Variants in ALK observed in about 807,000 individuals in gnomAD.
ALK encodes the protein ALK tyrosine kinase receptor.
Under a neutral mutation model 163.1 loss-of-function variants are expected in ALK, and 74 were observed. That is an observed-to-expected ratio of 0.45 (90% CI 0.38 to 0.55). The LOEUF (loss-of-function observed/expected upper bound fraction) is 0.55, where lower values mean the gene tolerates loss of function less well. Among genes scored for constraint, ALK ranks in the 20% least tolerant of loss-of-function variants. ALK has a pLI of 0.00. For synonymous variants in ALK, 960 were observed against 843.2 expected (o/e 1.14, Z -2.40); for missense variants, 2,063 against 2,105.3 (o/e 0.98, Z 0.39).
chr2:29,678,536 C>T (rs1435642583), intron 3 of ALK, among the ~76,000 whole-genome samples: 1 of 151,142 alleles, frequency 6.6e-6, no homozygotes, highest in Admixed American at 6.6e-5. Flanking sequence ...ATTTCCCATG[C>T]AATTGATTTT....
chr2:29,227,597 A>T lies in ALK; in HGVS notation c.2891T>A (p.Ile964Asn), dbSNP rs768623350. ...DGVSFISPLG[I>N]LYTPALKVME... Reference sequence around the variant, plus strand: ...ACCTTTTAAAGCTGGGGTGTACAGGATGCCCAGTGGACTGATGAAGGAAAC... The same window carrying T: ...ACCTTTTAAAGCTGGGGTGTACAGGTTGCCCAGTGGACTGATGAAGGAAAC... Residue 964 changes from isoleucine to asparagine, a missense_variant, in exon 17 of 29, where the codon ATC becomes AAC. Physicochemically the swap from Ile to Asn is moderately radical, Grantham distance 149. Coordinates refer to ENST00000389048, the MANE Select transcript of ALK (RefSeq NM_004304.5). The surrounding 1 kb of genome is among the most constrained non-coding windows in gnomAD (Gnocchi z 4.4). 3 of 1,614,104 alleles carry T rather than the reference A, an allele frequency of 1.9e-6. No homozygotes were observed. The highest frequency in any genetic ancestry group is 3.3e-4 in the Middle Eastern group (2 of 6,028).
chr2:29,371,055 T>C (rs1052569542), intron 5 of ALK, among the ~76,000 whole-genome samples: 2 of 152,204 alleles, frequency 1.3e-5, no homozygotes, highest in Non-Finnish European at 2.9e-5. Context: ...CAAATGCTGA[T>C]CATAGAACTC....
chr2:29,698,542 C>T (rs1224307637), intron 2 of ALK, among the ~76,000 whole-genome samples: 1 of 152,192 alleles, frequency 6.6e-6, no homozygotes, highest in Non-Finnish European at 1.5e-5. Context: ...TGAAAGATGA[C>T]CTGTTTCTAT....
intron 1 of ALK, among the ~76,000 whole-genome samples, chr2:29,797,021 CACACACAT>C (rs1239903561): frequency 1.3e-5 from 2 of 151,790 alleles, no homozygotes; most frequent in African/African-American, 4.8e-5. Context: ...CACACACACA[CACACACAT>C]ACACACACAT....
intron 22 of ALK, chr2:29,221,055 G>T (rs558834513): frequency 9.7e-5 from 65 of 667,736 alleles, no homozygotes; most frequent in African/African-American, 7.4e-4. Flanking sequence ...AGTTCCATTT[G>T]CAGGAGAGTG....
At chr2:29,810,877 A>G (rs1664740843) in intron 1 of ALK, among the ~76,000 whole-genome samples, 1 of 152,072 alleles carries the variant, frequency 6.6e-6, no homozygotes, top group Non-Finnish European at 1.5e-5. Context: ...TCTACCAGGG[A>G]CACCAGGGAG....
intron 4 of ALK, among the ~76,000 whole-genome samples, chr2:29,465,535 A>C (rs1356304288): frequency 6.6e-6 from 1 of 152,080 alleles, no homozygotes; most frequent in Non-Finnish European, 1.5e-5. Context: ...CTCTACTAAA[A>C]ATATGAAAAT....
intron 1 of ALK, among the ~76,000 whole-genome samples, chr2:29,874,722 G>T (rs1053423971): frequency 1.3e-5 from 2 of 152,206 alleles, no homozygotes; most frequent in Non-Finnish European, 2.9e-5. Flanking sequence ...GGAGACAAGA[G>T]TGGATTCTTG....
At chr2:29,741,090 A>G (rs569633339) in intron 1 of ALK, among the ~76,000 whole-genome samples, 2 of 152,352 alleles carry the variant, frequency 1.3e-5, no homozygotes, top group East Asian at 3.8e-4. Context: ...CAAATGAAAG[A>G]TGCCAATCTG....
chr2:29,205,169 A>G (rs1216846566), intron 26 of ALK, among the ~76,000 whole-genome samples: 1 of 152,070 alleles, frequency 6.6e-6, no homozygotes, highest in Non-Finnish European at 1.5e-5. Context: ...GATCTTTTGG[A>G]GGATATTATA....
At chr2:29,533,710 C>A (rs991455641) in intron 3 of ALK, among the ~76,000 whole-genome samples, 1 of 152,184 alleles carries the variant, frequency 6.6e-6, no homozygotes, top group African/African-American at 2.4e-5. Context: ...AACATCCAAG[C>A]ACTGGCTCTG....
At chr2:29,645,342 A>C (rs1049702919) in intron 3 of ALK, among the ~76,000 whole-genome samples, 2 of 152,168 alleles carry the variant, frequency 1.3e-5, no homozygotes, top group African/African-American at 4.8e-5. Flanking sequence ...GAAAAGTCAG[A>C]AAGTGTGTAT....
At chr2:29,566,729 T>G (rs1050290574) in intron 3 of ALK, among the ~76,000 whole-genome samples, 1 of 152,214 alleles carries the variant, frequency 6.6e-6, no homozygotes. Context: ...TGGCAAAAGA[T>G]AATTGGAAAC....
chr2:29,874,344 T>G (rs1666651490), intron 1 of ALK, among the ~76,000 whole-genome samples: 1 of 139,346 alleles, frequency 7.2e-6, no homozygotes. Flanking sequence ...ATAGTTGAAA[T>G]AAACCTTGGC....
At chr2:29,801,150 G>A (rs1019872301) in intron 1 of ALK, among the ~76,000 whole-genome samples, 2 of 152,168 alleles carry the variant, frequency 1.3e-5, no homozygotes, top group Non-Finnish European at 2.9e-5. Flanking sequence ...CCTAGCTGAT[G>A]GAGGAAAAAG....
intron 8 of ALK, among the ~76,000 whole-genome samples, chr2:29,302,240 G>A (rs571933355): frequency 5.3e-5 from 8 of 152,298 alleles, no homozygotes; most frequent in Admixed American, 1.3e-4. Context: ...ACTTCCGGCC[G>A]GGTGCGGTGG....
At chr2:29,729,839 C>G (rs1679685932) in intron 1 of ALK, among the ~76,000 whole-genome samples, 1 of 152,166 alleles carries the variant, frequency 6.6e-6, no homozygotes, top group Non-Finnish European at 1.5e-5. Context: ...TCAAGAAGAT[C>G]TAAAGGAGAA....
intron 4 of ALK, among the ~76,000 whole-genome samples, chr2:29,436,575 T>G (rs918337994): frequency 6.6e-6 from 1 of 152,232 alleles, no homozygotes; most frequent in Non-Finnish European, 1.5e-5. Context: ...CATCTTCTAC[T>G]GGGTATCATG....
intron 4 of ALK, among the ~76,000 whole-genome samples, chr2:29,510,909 A>C (rs1196250647): frequency 6.6e-6 from 1 of 152,150 alleles, no homozygotes; most frequent in Non-Finnish European, 1.5e-5. Context: ...CTGTGTCTGC[A>C]CTGTGCAAGG....
Sources: gnomAD v4.1 joint callset for allele counts (sites outside exome capture counted in the v4.1 genomes callset) on GRCh38, gnomAD v4.1.1 for gene constraint, Gnocchi (gnomAD v3.1) non-coding constraint, MANE v1.5 for transcripts, NCBI Gene and HGNC (gene_info 2026-07-23, HGNC 2026-07-21) for gene names.